Variants in SLC25A46 observed in about 807,000 individuals in gnomAD.
SLC25A46 encodes the protein solute carrier family 25 member 46.
A neutral mutation model predicts 44.6 loss-of-function variants in SLC25A46; 39 were observed. That is an observed-to-expected ratio of 0.87 (90% confidence interval 0.68 to 1.14). The LOEUF (loss-of-function observed/expected upper bound fraction) is 1.14. Ranked by LOEUF, SLC25A46 falls within the 50% of genes most tolerant of loss-of-function variation. SLC25A46 has a pLI of 0.00. For missense variants in SLC25A46, 547 were observed against 522.7 expected, an observed-to-expected ratio of 1.05 and a Z score of -0.45; for synonymous variants, 202 against 185.8, an observed-to-expected ratio of 1.09 and a Z score of -0.71.
intron 2 of SLC25A46, among the ~76,000 whole-genome samples, chr5:110,742,677 ATCTG>A (rs1799720080): frequency 1.3e-5 from 2 of 152,066 alleles, no homozygotes; most frequent in African/African-American, 2.4e-5. Flanking sequence ...ATGAAATGTA[ATCTG>A]TCTGTCTCCC....
chr5:110,760,898 T>C (rs565638843), intron 7 of SLC25A46, among the ~76,000 whole-genome samples: 1 of 152,232 alleles, frequency 6.6e-6, no homozygotes, highest in African/African-American at 2.4e-5. Flanking sequence ...TATTGTCTCC[T>C]TAAGCGTTAC....
chr5:110,738,512 CT>C (rs1465133219), upstream of SLC25A46, among the ~76,000 whole-genome samples: 2 of 152,174 alleles, frequency 1.3e-5, no homozygotes, highest in Non-Finnish European at 2.9e-5. Context: ...GTCCACAGTA[CT>C]TTCGCGTTCA....
At chr5:110,742,437 A>G (rs191745508) in intron 2 of SLC25A46, among the ~76,000 whole-genome samples, 1 of 152,240 alleles carries the variant, frequency 6.6e-6, no homozygotes, top group East Asian at 1.9e-4. Context: ...ATGAAGATCA[A>G]ATGGCTCTGC....
In SLC25A46 at chr5:110,761,197, A is replaced by G. The variant is rs775146466; in HGVS notation, c.679-7A>G. On this transcript the variant is annotated splice_polypyrimidine_tract_variant and splice_region_variant and intron_variant, in intron 7 of 7. Transcript: ENST00000355943. The surrounding 1 kb of genome is among the most constrained non-coding windows in gnomAD (Gnocchi z 5.3). ...AAGTTTTACTTATTTCATCATTTTT[A>G]TTTCAGAGTGAGATAATTCGAGATA... The G allele has an allele frequency of 7.0e-6, 11 of 1,573,444 alleles. No homozygotes were observed. Among genetic ancestry groups the G allele is most frequent in the African/African-American group, 1.4e-5 (1 of 72,694 alleles).
chr5:110,746,389 T>A, intron 4 of SLC25A46, 43 bp downstream of exon 4: 1 of 1,340,392 alleles, frequency 7.5e-7, no homozygotes, highest in Non-Finnish European at 1.0e-6. Flanking sequence ...TATATAAGTG[T>A]CATTTGGGTT....
In SLC25A46 at chr5:110,761,692, T is replaced by C. The variant is rs753267148; in HGVS notation, c.1167T>C (p.Phe389=). ...EEGVFGFYKG[F]GAVIIQYTLH... ...GAGTGTTTGGTTTTTATAAAGGGTT[T>C]GGTGCTGTTATAATACAGTACACAC... is the stretch of plus-strand genomic sequence containing the variant. The change falls in exon 8 of 8, where the codon TTT becomes TTC. Residue 389 remains phenylalanine, a synonymous_variant. Transcript: ENST00000355943. The surrounding 1 kb of genome is among the most constrained non-coding windows in gnomAD (Gnocchi z 5.3). 7 of 1,613,510 alleles carry C rather than the reference T, an allele frequency of 4.3e-6. No homozygotes were observed. In the South Asian group the frequency reaches 7.7e-5, roughly 18 times the overall value.
intron 1 of SLC25A46, among the ~76,000 whole-genome samples, chr5:110,741,054 T>A (rs1799675734): frequency 6.6e-6 from 1 of 152,214 alleles, no homozygotes; most frequent in Non-Finnish European, 1.5e-5. Context: ...ACTGCGTAAT[T>A]TCCCAGGAAC....
upstream of SLC25A46, among the ~76,000 whole-genome samples, chr5:110,738,458 C>G (rs117918973): frequency 3.9e-5 from 6 of 152,266 alleles, no homozygotes; most frequent in East Asian, 1.2e-3. Flanking sequence ...GGGTTTCTTT[C>G]ACCCCCGACG....
chr5:110,754,758 A>C (rs753300904), intron 5 of SLC25A46: 4 of 152,086 alleles, frequency 2.6e-5, no homozygotes, highest in Non-Finnish European at 4.4e-5. Context: ...CTTTGTATCA[A>C]ATAAGATGAG....
At position 110,763,710 on chromosome 5, in the gene SLC25A46, ATAGT is replaced by A. The variant is rs1035852755; in HGVS notation, c.*1935_*1938del. Reference sequence around the variant, plus strand: ...ATATTTTTTGGAAGTTAGCATGAAAATAGTTAGTTACATAAATTCATTTTATTGT... The same window carrying A: ...ATATTTTTTGGAAGTTAGCATGAAAATAGTTACATAAATTCATTTTATTGT... On this transcript the variant is annotated 3_prime_UTR_variant, in exon 8 of 8. Transcript: ENST00000355943. 16 of 152,030 alleles carry A rather than the reference ATAGT, an allele frequency of 1.1e-4. No homozygotes were observed. The highest frequency in any genetic ancestry group is 2.1e-4 in the South Asian group (1 of 4,832). 9.4% of individuals were successfully genotyped at this position (152,030 alleles called of 1,614,324 possible).
upstream of SLC25A46, chr5:110,738,352 C>T: frequency 1.2e-6 from 1 of 808,784 alleles, no homozygotes; most frequent in Non-Finnish European, 1.6e-6. Flanking sequence ...TTAGACACAT[C>T]AGAAAAAAAT....
intron 6 of SLC25A46, 45 bp from the exon 7 acceptor site, chr5:110,756,657 G>A (rs749517929): frequency 2.5e-5 from 32 of 1,298,062 alleles, no homozygotes; most frequent in Non-Finnish European, 2.9e-5. Context: ...TTTAGTATAA[G>A]CATCTTGTTT....
upstream of SLC25A46, chr5:110,738,209 G>T: frequency 7.8e-7 from 1 of 1,286,600 alleles, no homozygotes; most frequent in Non-Finnish European, 1.0e-6. Context: ...ATCTGGGGAG[G>T]GAGCCTGGCC....
chr5:110,761,225 A>T lies in SLC25A46; in HGVS notation c.700A>T (p.Thr234Ser), dbSNP rs766100554. 2.5e-6 allele frequency: 4 copies of T among 1,603,158 alleles called. No homozygotes were observed. The African/African-American group carries it at 4.0e-5, about 16-fold the overall frequency. ...TVQSEIIRDN[T>S]GILECVKEGI... ...TCAGAGTGAGATAATTCGAGATAAT[A>T]CTGGCATTTTGGAGTGTGTTAAAGA... Residue 234 changes from threonine (T) to serine (S), a missense_variant, in exon 8 of 8, where the codon ACT (threonine) becomes TCT (serine). By Grantham distance (58) the Thr-to-Ser change is moderately conservative. Transcript: ENST00000355943. This position sits in a 1 kb window ranked among gnomAD's most constrained non-coding sequence, Gnocchi z 5.3.
chr5:110,760,671 G>A (rs1007884153), intron 7 of SLC25A46, among the ~76,000 whole-genome samples: 1 of 152,088 alleles, frequency 6.6e-6, no homozygotes, highest in East Asian at 1.9e-4. Flanking sequence ...ATTGCAGGTG[G>A]TAATAAGACT....
chr5:110,738,939 G>A (rs536654643), upstream of SLC25A46: 3 of 1,429,350 alleles, frequency 2.1e-6, no homozygotes, highest in South Asian at 1.5e-5. Flanking sequence ...CCCTTTAATG[G>A]TTGCCGGAAG....
rs544350675 is a variant in SLC25A46, at chr5:110,750,421, G to T, written c.563+2158G>T. 3.2e-4 allele frequency among the ~76,000 whole-genome samples: 48 copies of T among 152,168 alleles called. No homozygotes were observed. In the South Asian group the frequency reaches 7.9e-3, roughly 25 times the overall value. ...AAAATGCAGGAAATTCCATTTGGTA[G>T]AGTGAAAAAAATTCAATGCAGTTGT... On this transcript the variant is annotated intron_variant, in intron 5 of 7. Coordinates refer to ENST00000355943, the MANE Select transcript of SLC25A46 (RefSeq NM_138773.4).
At position 110,739,112 on chromosome 5, in the gene SLC25A46, C is replaced by A. The variant is rs1294417770; in HGVS notation, c.-8C>A. ...CGGGCGGGCTCGCGTCATCCTGCCC[C>A]CGCTGCGATGCATCCGCGGCGCCCG... is the stretch of plus-strand genomic sequence containing the variant. On this transcript the variant is annotated 5_prime_UTR_variant, in exon 1 of 8. Coordinates refer to ENST00000355943, the MANE Select transcript of SLC25A46 (RefSeq NM_138773.4). 1.9e-6 allele frequency: 3 copies of A among 1,545,464 alleles called. No individual in the cohort carries two copies. The highest frequency in any genetic ancestry group is 1.4e-5 in the African/African-American group (1 of 72,912).
At chr5:110,738,377 T>C (rs1799437798), upstream of SLC25A46, 4 of 564,534 alleles carry the variant, frequency 7.1e-6, no homozygotes, top group East Asian at 1.3e-4. Flanking sequence ...CAGAAAACTA[T>C]AGTTTCTTTA....
Sources: gnomAD v4.1 joint callset for allele counts (sites outside exome capture counted in the v4.1 genomes callset) on GRCh38, gnomAD v4.1.1 for gene constraint, Gnocchi (gnomAD v3.1) non-coding constraint, MANE v1.5 for transcripts, NCBI Gene and HGNC (gene_info 2026-07-23, HGNC 2026-07-21) for gene names.